RBFOX1: variants seen among roughly 807,000 people sequenced by gnomAD.
RBFOX1 encodes RNA binding protein fox-1 homolog 1.
In RBFOX1, 8 loss-of-function variants were observed where a neutral mutation model predicts 57.7. The observed-to-expected ratio is 0.14, with a 90% CI of 0.08 to 0.25. The LOEUF (loss-of-function observed/expected upper bound fraction) is 0.25, where lower values mean the gene tolerates loss of function less well. Ranked by LOEUF, RBFOX1 falls within the 10% of genes least tolerant of loss-of-function variation. The probability of loss-of-function intolerance (pLI) is 1.00; values close to 1 mark genes in which losing one functional copy is unlikely to be tolerated. For missense variants in RBFOX1, 611 were observed against 548.5 expected (o/e 1.11, Z -1.14); for synonymous variants, 326 against 222.4 (o/e 1.47, Z -4.15).
chr16:5,630,600 C>T (rs2048476996), intron 3 of RBFOX1, among the ~76,000 whole-genome samples: 1 of 152,172 alleles, frequency 6.6e-6, no homozygotes, highest in African/African-American at 2.4e-5. Flanking sequence ...TTTCATGATA[C>T]TCTTGATGGA....
At position 7,332,150 on chromosome 16, in the gene RBFOX1, C is replaced by T. The variant is rs535982653; in HGVS notation, c.28-185997C>T. Among the ~76,000 whole-genome samples, 17 of 152,286 alleles carry T rather than the reference C, an allele frequency of 1.1e-4. No homozygotes were observed. The East Asian group carries it at 3.1e-3, about 28-fold the overall frequency. On this transcript the variant is annotated intron_variant, in intron 4 of 15. Transcript: ENST00000550418. The stretch of plus-strand genomic sequence containing the variant: ...AACAGTGTTGTGGTTAGGAATCGGG[C>T]TCTGGAATGTGTTTGTAGCTTCGCA...
chr16:6,258,496 C>T (rs2097682308), intron 1 of RBFOX1, among the ~76,000 whole-genome samples: 1 of 152,156 alleles, frequency 6.6e-6, no homozygotes, highest in Non-Finnish European at 1.5e-5. Flanking sequence ...AAATAATCTT[C>T]CATCACAATT....
chr16:7,689,140 C>T (rs968403553), intron 14 of RBFOX1, among the ~76,000 whole-genome samples: 1 of 152,148 alleles, frequency 6.6e-6, no homozygotes, highest in African/African-American at 2.4e-5. Context: ...TGACACTTGG[C>T]AACTTGCAGT....
At chr16:7,057,759 G>A (rs2052832398) in intron 4 of RBFOX1, among the ~76,000 whole-genome samples, 1 of 152,166 alleles carries the variant, frequency 6.6e-6, no homozygotes. Context: ...TGTCATCCCA[G>A]CACTTTGGGA....
intron 2 of RBFOX1, among the ~76,000 whole-genome samples, chr16:6,519,440 G>T (rs532171822): frequency 6.6e-6 from 1 of 152,136 alleles, no homozygotes. Flanking sequence ...GTGGCTCATG[G>T]CTGTAATCCC....
chr16:6,752,480 T>G (rs2075103482), intron 3 of RBFOX1, among the ~76,000 whole-genome samples: 1 of 152,214 alleles, frequency 6.6e-6, no homozygotes, highest in African/African-American at 2.4e-5. Context: ...GCTCTGTCGC[T>G]GGACCTTGCT....
intron 4 of RBFOX1, among the ~76,000 whole-genome samples, chr16:7,371,142 C>G (rs1378961495): frequency 2.0e-5 from 3 of 152,162 alleles, no homozygotes; most frequent in Non-Finnish European, 4.4e-5. Context: ...TTTTACTCTC[C>G]TTCTGCCCTT....
intron 4 of RBFOX1, among the ~76,000 whole-genome samples, chr16:7,205,515 GAAA>G (rs60458342): frequency 8.0e-6 from 1 of 125,630 alleles, no homozygotes. Context: ...TCTGTCTCAG[GAAA>G]AAAAAAAAAA....
intron 3 of RBFOX1, among the ~76,000 whole-genome samples, chr16:5,733,854 G>A (rs753874045): frequency 4.0e-5 from 6 of 151,688 alleles, no homozygotes; most frequent in Non-Finnish European, 8.8e-5. Context: ...TCCCTGGGAT[G>A]CGTCTTCTTT....
intron 3 of RBFOX1, among the ~76,000 whole-genome samples, chr16:5,790,197 C>A (rs1238630251): frequency 1.3e-5 from 2 of 152,248 alleles, no homozygotes; most frequent in East Asian, 3.8e-4. Context: ...AATAGCCCTT[C>A]TTCCACGCCC....
At chr16:5,827,523 C>A (rs2056108043) in intron 3 of RBFOX1, among the ~76,000 whole-genome samples, 1 of 151,828 alleles carries the variant, frequency 6.6e-6, no homozygotes, top group African/African-American at 2.4e-5. Flanking sequence ...TACATCAAGA[C>A]TCCGCAAGAT....
chr16:5,938,141 G>A (rs893182937), intron 4 of RBFOX1, among the ~76,000 whole-genome samples: 11 of 151,626 alleles, frequency 7.3e-5, no homozygotes, highest in Admixed American at 2.6e-4. Context: ...CTTTGCTTCC[G>A]TACTTTACAC....
chr16:6,069,019 A>G (rs2095801986), intron 1 of RBFOX1, among the ~76,000 whole-genome samples: 2 of 152,152 alleles, frequency 1.3e-5, no homozygotes, highest in African/African-American at 4.8e-5. Context: ...TTATAAAAAA[A>G]AGAATGAAGG....
chr16:6,171,275 A>G (rs12709151), intron 1 of RBFOX1, among the ~76,000 whole-genome samples: 101,280 of 152,058 alleles, frequency 0.67, 35,063 homozygotes, highest in African/African-American at 0.85. Flanking sequence ...ATATCAATCT[A>G]TAACACCAAT....
intron 2 of RBFOX1, among the ~76,000 whole-genome samples, chr16:6,392,196 C>A (rs569423930): frequency 6.6e-6 from 1 of 152,130 alleles, no homozygotes; most frequent in African/African-American, 2.4e-5. Context: ...AAATTCGTGG[C>A]CCAACGTAGC....
chr16:6,933,453 C>A (rs755730632), intron 3 of RBFOX1, among the ~76,000 whole-genome samples: 2 of 152,220 alleles, frequency 1.3e-5, no homozygotes, highest in Non-Finnish European at 2.9e-5. Flanking sequence ...TGGCTCATGC[C>A]TGTAATCCCG....
At chr16:6,050,031 T>A (rs554260410) in intron 1 of RBFOX1, among the ~76,000 whole-genome samples, 1 of 149,564 alleles carries the variant, frequency 6.7e-6, no homozygotes, top group Non-Finnish European at 1.5e-5. Flanking sequence ...TCTCAAAGGC[T>A]CACTGCAGCC....
intron 3 of RBFOX1, among the ~76,000 whole-genome samples, chr16:6,667,183 C>T (rs535602307): frequency 9.9e-5 from 15 of 152,234 alleles, no homozygotes; most frequent in African/African-American, 7.2e-5. Context: ...GTTAAATTAG[C>T]CTCTGATGGG....
intron 3 of RBFOX1, among the ~76,000 whole-genome samples, chr16:6,815,187 C>G (rs143389540): frequency 6.6e-6 from 1 of 152,110 alleles, no homozygotes; most frequent in African/African-American, 2.4e-5. Flanking sequence ...GTTGAGCATG[C>G]AAGTGCTTTA....
Sources: gnomAD v4.1 joint callset for allele counts (sites outside exome capture counted in the v4.1 genomes callset) on GRCh38, gnomAD v4.1.1 for gene constraint, MANE v1.5 for transcripts, NCBI Gene and HGNC (gene_info 2026-07-23, HGNC 2026-07-21) for gene names.